Variants in MPI observed in about 807,000 individuals in gnomAD.
MPI encodes mannose phosphate isomerase.
MPI carries 33 observed loss-of-function variants against 40.1 expected under a neutral mutation model. The ratio of observed to expected loss-of-function variants is 0.82; its 90% confidence interval spans 0.62 to 1.10. MPI has a LOEUF of 1.10. Among genes scored for constraint, MPI ranks in the 50% least tolerant of loss-of-function variants. The probability of loss-of-function intolerance (pLI) is 0.00; values close to 1 mark genes in which losing one functional copy is unlikely to be tolerated. For missense variants in MPI, 514 were observed against 524.1 expected (o/e 0.98, Z 0.19); for synonymous variants, 187 against 207.4 (o/e 0.90, Z 0.85).
At position 74,898,004 on chromosome 15, in the gene MPI, ACT is replaced by A. The variant is rs2064849828; in HGVS notation, c.*277_*278del. The stretch of plus-strand genomic sequence containing the variant: ...CTACACCTGAGCCAGGCTCTTGCCA[ACT>A]CTGTTCCAGCCTATGGCTTTAGGCT... On this transcript the variant is annotated 3_prime_UTR_variant, in exon 8 of 8. Coordinates refer to ENST00000352410, the MANE Select transcript of MPI (RefSeq NM_002435.3). 1 of 510,824 alleles carries A rather than the reference ACT, an allele frequency of 2.0e-6. No individual in the cohort carries two copies. Among genetic ancestry groups the A allele is most frequent in the Admixed American group, 3.1e-5 (1 of 32,732 alleles). The allele number at this position is 510,824 out of a possible 1,614,324, so 31.6% of individuals were successfully genotyped here.
chr15:74,894,751 C>G (rs2064791746), intron 5 of MPI, among the ~76,000 whole-genome samples: 1 of 146,820 alleles, frequency 6.8e-6, no homozygotes, highest in Non-Finnish European at 1.5e-5. Context: ...TGCACCACTG[C>G]ACTTCAGCCT....
At chr15:74,893,081 TGTGTGGGTTCCA>T in intron 4 of MPI, 45 bp from the exon 5 acceptor site, 1 of 1,599,770 alleles carries the variant, frequency 6.3e-7, no homozygotes, top group Non-Finnish European at 8.6e-7. Flanking sequence ...ACTCCCCACT[TGTGTGGGTTCCA>T]TCTTACCATT....
At chr15:74,892,511 A>G in intron 3 of MPI, 150 bp from the exon 4 acceptor site, 1 of 1,213,112 alleles carries the variant, frequency 8.2e-7, no homozygotes, top group Middle Eastern at 2.7e-4. Context: ...TTTCTGCAAC[A>G]TGCTTTGACT....
In MPI at chr15:74,891,473, A is replaced by G; in HGVS notation, c.239A>G (p.Asp80Gly). 1 of 1,614,220 alleles carries G rather than the reference A, an allele frequency of 6.2e-7. No homozygotes were observed. Among genetic ancestry groups the G allele is most frequent in the South Asian group, 1.1e-5 (1 of 91,088 alleles). The change falls in exon 3 of 8, where the codon GAC becomes GGC. Residue 80 changes from aspartate to glycine, a missense_variant. Physicochemically the swap from Asp to Gly is moderately conservative, Grantham distance 94. Coordinates refer to ENST00000352410, the MANE Select transcript of MPI (RefSeq NM_002435.3). ...AGCCAGTGGATTGCTGAGAACCAGG[A>G]CAGCTTGGGCTCAAAGGTCAAGGAC... ...TLSQWIAENQ[D>G]SLGSKVKDTF...
intron 5 of MPI, among the ~76,000 whole-genome samples, chr15:74,894,097 T>TG (rs1856156527): frequency 4.2e-5 from 2 of 47,908 alleles, no homozygotes; most frequent in South Asian, 6.6e-4. Context: ...TGTGTGTGTG[T>TG]GTGTGTGTGT....
chr15:74,897,189 T>C lies in MPI; in HGVS notation c.1023T>C (p.Pro341=), dbSNP rs1406087412. Residue 341 remains proline (P), a synonymous_variant, in exon 7 of 8, where the codon CCT becomes CCC. Transcript: ENST00000352410. ...EDPYLSIYDP[P]VPDFTIMKTE... is the part of the protein sequence containing the mutation. ...CCTACCTCTCAATCTATGACCCCCC[T>C]GTACCAGACTTCACCATTATGAAGA... is the stretch of plus-strand genomic sequence containing the variant. 4 of 1,614,144 alleles carry C rather than the reference T, an allele frequency of 2.5e-6. No individual in the cohort carries two copies. Among genetic ancestry groups the C allele is most frequent in the Admixed American group, 1.7e-5 (1 of 60,020 alleles).
rs1343667748 is a variant in MPI at position 74,892,647 on chromosome 15, T to G, written c.346-14T>G. The G allele has an allele frequency of 1.9e-6, 3 of 1,613,860 alleles. No homozygotes were observed. The highest frequency in any genetic ancestry group is 2.5e-6 in the Non-Finnish European group (3 of 1,180,026). ...TACCCTCACCATCCTCCTCTTCCCC[T>G]GGCCACCCCACAGGAGCTGGCAGAG... On this transcript the variant is annotated splice_polypyrimidine_tract_variant and intron_variant, in intron 3 of 7. Coordinates refer to ENST00000352410, the MANE Select transcript of MPI (RefSeq NM_002435.3).
rs748090636 is a variant in MPI, at chr15:74,896,229, G to A, written c.748G>A (p.Gly250Ser). Residue 250 changes from glycine (G) to serine (S), a missense_variant, in exon 6 of 8, where the codon GGC becomes AGC. By Grantham distance (56) the Gly-to-Ser change is moderately conservative. Transcript: ENST00000352410. ...GCACCAGCAGTACCCAGGTGATATC[G>A]GCTGCTTTGCCATCTACTTCCTGAA... ...QLHQQYPGDI[G>S]CFAIYFLNLL... is the part of the protein sequence containing the mutation. 1.2e-5 allele frequency: 20 copies of A among 1,614,038 alleles called. No homozygotes were observed. The African/African-American group carries it at 2.0e-4, about 16-fold the overall frequency.
At chr15:74,893,556 C>G in intron 5 of MPI, 1 of 640,808 alleles carries the variant, frequency 1.6e-6, no homozygotes, top group Non-Finnish European at 2.8e-6. Flanking sequence ...TGGAGGCAGA[C>G]TGGCATAGAG....
rs759130781 is a variant in MPI at position 74,896,310 on chromosome 15, G to A, written c.829G>A (p.Ala277Thr). The change falls in exon 6 of 8, where the codon GCC (alanine) becomes ACC (threonine). Residue 277 changes from alanine to threonine, a missense_variant. Transcript: ENST00000352410. The stretch of plus-strand genomic sequence containing the variant: ...GTTTCTGGAGGCCAACGTACCCCAT[G>A]CCTACCTGAAAGGAGGTGAGCCACA... ...AMFLEANVPH[A>T]YLKGDCVECM... 6 of 1,614,020 alleles carry A rather than the reference G, an allele frequency of 3.7e-6. No homozygotes were observed. The highest frequency in any genetic ancestry group is 3.3e-5 in the South Asian group (3 of 91,090).
chr15:74,890,255 GA>G (rs2049121653), intron 1 of MPI, 166 bp downstream of exon 1: 1 of 1,062,646 alleles, frequency 9.4e-7, no homozygotes, highest in Admixed American at 2.0e-5. Context: ...CCTCCGAGGG[GA>G]GGGGGCCCTT....
In MPI at chr15:74,901,364, T is replaced by C. The variant is rs1178970762; in HGVS notation, c.*3634T>C. 6.6e-6 allele frequency: 1 copy of C among 152,092 alleles called. No homozygotes were observed. The highest frequency in any genetic ancestry group is 1.5e-5 in the Non-Finnish European group (1 of 68,020). 9.4% of individuals were successfully genotyped at this position (152,092 alleles called of 1,614,324 possible). A position where few individuals can be genotyped will look rare whatever the true frequency, so the allele number is the denominator to read the frequency against. On this transcript the variant is annotated 3_prime_UTR_variant, in exon 8 of 8. Transcript: ENST00000352410. The stretch of plus-strand genomic sequence containing the variant: ...CTAGAAAGAGGCTTGGTATAGAGTA[T>C]AGCAAGATATACTCTCCAATTTGTG...
rs2141197776 is a variant in MPI, at chr15:74,891,540, A to G, written c.306A>G (p.Ser102=). ...TGCCCTTCCTCTTCAAAGTGCTCTC[A>G]GTTGAAACACCCCTGTCCATCCAGG... ...GNLPFLFKVL[S]VETPLSIQAH... is the part of the protein sequence containing the mutation. Residue 102 remains serine, a synonymous_variant, in exon 3 of 8, where the codon TCA becomes TCG. Coordinates refer to ENST00000352410, the MANE Select transcript of MPI (RefSeq NM_002435.3). 1 of 1,614,230 alleles carries G rather than the reference A, an allele frequency of 6.2e-7. No homozygotes were observed. Among genetic ancestry groups the G allele is most frequent in the Non-Finnish European group, 8.5e-7 (1 of 1,180,040 alleles).
chr15:74,892,888 GGTCACAT>G, intron 4 of MPI, 86 bp downstream of exon 4: 1 of 1,601,286 alleles, frequency 6.2e-7, no homozygotes, highest in Non-Finnish European at 8.5e-7. Context: ...GCTGAGAACG[GGTCACAT>G]GTCACAGGAA....
intron 1 of MPI, 36 bp from the exon 2 acceptor site, chr15:74,890,491 G>A: frequency 6.2e-7 from 1 of 1,613,660 alleles, no homozygotes; most frequent in South Asian, 1.1e-5. Context: ...GGGGCCTGAG[G>A]AGTGGAGTGG....
At chr15:74,890,392 G>C in intron 1 of MPI, 135 bp from the exon 2 acceptor site, 7 of 1,157,938 alleles carry the variant, frequency 6.0e-6, no homozygotes, top group Non-Finnish European at 6.3e-6. Flanking sequence ...GCGGAGGGGG[G>C]TCTCATCCAA....
At chr15:74,893,433 G>C in intron 5 of MPI, 113 bp downstream of exon 5, 2 of 1,259,972 alleles carry the variant, frequency 1.6e-6, no homozygotes, top group Non-Finnish European at 2.3e-6. Context: ...ACACTAAAAG[G>C]GGCCCCACTT....
intron 2 of MPI, 148 bp from the exon 3 acceptor site, chr15:74,891,231 G>A: frequency 5.2e-6 from 4 of 762,258 alleles, no homozygotes; most frequent in East Asian, 2.5e-5. Context: ...GTATGTCCAT[G>A]ATGGCATGAA....
rs147258431 is a variant in MPI at position 74,894,107 on chromosome 15, T to TCTGAGCCAG, written c.670+787_670+788insCTGAGCCAG. Reference sequence around the variant, plus strand: ...GTGTGTGTGTGTGTGTGTGTGTGTGTGGTCTCTTTCTGTTGCCCCAGGCTG... The same window carrying TCTGAGCCAG: ...GTGTGTGTGTGTGTGTGTGTGTGTGTCTGAGCCAGGGTCTCTTTCTGTTGCCCCAGGCTG... On this transcript the variant is annotated intron_variant, in intron 5 of 7. Coordinates refer to ENST00000352410, the MANE Select transcript of MPI (RefSeq NM_002435.3). Among the ~76,000 whole-genome samples the TCTGAGCCAG allele has an allele frequency of 1.6e-3, 97 of 60,992 alleles. 11 individuals carry two copies. Among genetic ancestry groups the TCTGAGCCAG allele is most frequent in the Admixed American group, 6.9e-3 (35 of 5,058 alleles). The allele number at this position is 60,992 out of a possible 152,430, so 40.0% of individuals were successfully genotyped here.
Sources: gnomAD v4.1 joint callset for allele counts (sites outside exome capture counted in the v4.1 genomes callset) on GRCh38, gnomAD v4.1.1 for gene constraint, MANE v1.5 for transcripts, NCBI Gene and HGNC (gene_info 2026-07-23, HGNC 2026-07-21) for gene names.